Variants in SPOCK3 observed in about 807,000 individuals in gnomAD.
The protein encoded by SPOCK3 is testican-3.
SPOCK3 carries 30 observed loss-of-function variants against 56.6 expected under a neutral mutation model. The ratio of observed to expected loss-of-function variants is 0.53; its 90% CI spans 0.40 to 0.72. SPOCK3 has a LOEUF of 0.72. SPOCK3 is among the 30% of genes least tolerant of loss of function. The pLI, the probability that SPOCK3 is intolerant of heterozygous loss-of-function variation, is 0.00. For synonymous variants in SPOCK3, 196 were observed against 183.3 expected (o/e 1.07, Z -0.56); for missense variants, 527 against 530.0 (o/e 0.99, Z 0.06).
intron 2 of SPOCK3, among the ~76,000 whole-genome samples, chr4:167,081,159 A>G (rs1041741043): frequency 6.6e-6 from 1 of 152,006 alleles, no homozygotes; most frequent in African/African-American, 2.4e-5. Flanking sequence ...TAGAAATAAT[A>G]CAGACAGGTA....
At chr4:166,822,871 A>G (rs1170657378) in intron 6 of SPOCK3, among the ~76,000 whole-genome samples, 1 of 152,074 alleles carries the variant, frequency 6.6e-6, no homozygotes, top group African/African-American at 2.4e-5. Context: ...TTGGTTTAAT[A>G]TCTTCTTTTA....
chr4:167,151,172 T>A (rs1452458324), intron 2 of SPOCK3, among the ~76,000 whole-genome samples: 2 of 152,168 alleles, frequency 1.3e-5, no homozygotes, highest in Non-Finnish European at 2.9e-5. Flanking sequence ...GTCTCTGGGG[T>A]AGGCCTCAGA....
Position 166,915,820 on chromosome 4 carries a change from A to T in SPOCK3, c.351-3077T>A, listed in dbSNP as rs1737783474. On this transcript the variant is annotated intron_variant, in intron 4 of 10. Coordinates refer to ENST00000357545, the MANE Select transcript of SPOCK3 (RefSeq NM_001040159.2). ...AGAAAAGATTAACCTTCGAGCATAC[A>T]TCTAATTTTTTGATACACCAAAGGT... 2.6e-5 allele frequency among the ~76,000 whole-genome samples: 4 copies of T among 152,278 alleles called. No individual in the cohort carries two copies. In the South Asian group the frequency reaches 8.3e-4, roughly 32 times the overall value.
rs1337823269 is a variant in SPOCK3, at chr4:166,908,708, T to C, written c.474+3912A>G. Among the ~76,000 whole-genome samples the C allele has an allele frequency of 2.0e-5, 3 of 152,066 alleles. No homozygotes were observed. The East Asian group carries it at 5.8e-4, about 29-fold the overall frequency. On this transcript the variant is annotated intron_variant, in intron 5 of 10. Transcript: ENST00000357545. The stretch of plus-strand genomic sequence containing the variant: ...TTATATTACACATGTTCTACTCAAG[T>C]CTAAAAGGTTAATATTATTTATTGA...
intron 10 of SPOCK3, among the ~76,000 whole-genome samples, chr4:166,736,876 A>G (rs1402289589): frequency 6.6e-6 from 1 of 152,150 alleles, no homozygotes; most frequent in Non-Finnish European, 1.5e-5. Flanking sequence ...ACTAAGCGTT[A>G]CATTCTATTT....
chr4:166,931,353 C>T (rs1739751700), intron 4 of SPOCK3, among the ~76,000 whole-genome samples: 1 of 151,974 alleles, frequency 6.6e-6, no homozygotes, highest in Non-Finnish European at 1.5e-5. Context: ...GGCAAGAAAA[C>T]CTTTGAGTTG....
intron 2 of SPOCK3, among the ~76,000 whole-genome samples, chr4:167,093,038 G>A (rs1758839425): frequency 2.0e-5 from 3 of 152,092 alleles, no homozygotes; most frequent in Admixed American, 6.6e-5. Context: ...GAATGATTAA[G>A]TGGTTAATTT....
intron 2 of SPOCK3, among the ~76,000 whole-genome samples, chr4:167,099,950 A>G (rs553795469): frequency 1.3e-5 from 2 of 152,248 alleles, no homozygotes; most frequent in African/African-American, 4.8e-5. Flanking sequence ...CTTCATGACA[A>G]TTATGTACAA....
chr4:167,070,739 C>T (rs1259337769), intron 2 of SPOCK3, among the ~76,000 whole-genome samples: 1 of 151,860 alleles, frequency 6.6e-6, no homozygotes, highest in Non-Finnish European at 1.5e-5. Context: ...GCTAGCATAA[C>T]AGTTAAGCCA....
intron 2 of SPOCK3, among the ~76,000 whole-genome samples, chr4:167,203,516 G>T (rs1344225673): frequency 6.7e-6 from 1 of 150,048 alleles, no homozygotes; most frequent in Non-Finnish European, 1.5e-5. Flanking sequence ...CCTGAGATGA[G>T]ACTGCTTAGG....
chr4:166,824,935 T>C (rs1296200570), intron 6 of SPOCK3, among the ~76,000 whole-genome samples: 1 of 152,058 alleles, frequency 6.6e-6, no homozygotes, highest in East Asian at 1.9e-4. Flanking sequence ...ACCTACTCTA[T>C]GAAGATGAAT....
rs78290399 is a variant in SPOCK3 at position 167,070,705 on chromosome 4, T to A, written c.190-8168A>T. ...GCATATATATGATCTCATTTACACA[T>A]CTCATCTTATTAGGGGAAGAATGGC... On this transcript the variant is annotated intron_variant, in intron 2 of 10. Coordinates refer to ENST00000357545, the MANE Select transcript of SPOCK3 (RefSeq NM_001040159.2). 2.0e-3 allele frequency among the ~76,000 whole-genome samples: 310 copies of A among 152,112 alleles called. 9 individuals carry two copies. In the East Asian group the frequency reaches 0.056, roughly 27 times the overall value.
At chr4:166,770,206 C>T (rs1448415329) in intron 7 of SPOCK3, among the ~76,000 whole-genome samples, 1 of 152,092 alleles carries the variant, frequency 6.6e-6, no homozygotes, top group Non-Finnish European at 1.5e-5. Context: ...CCCCCACTGT[C>T]CGATAAGCCC....
At chr4:167,091,616 AC>A (rs1477005909) in intron 2 of SPOCK3, among the ~76,000 whole-genome samples, 3 of 152,178 alleles carry the variant, frequency 2.0e-5, no homozygotes, top group Non-Finnish European at 2.9e-5. Flanking sequence ...GTTGGACACA[AC>A]TTTTTACATG....
chr4:166,753,812 GT>G (rs960630162), intron 8 of SPOCK3, among the ~76,000 whole-genome samples: 18 of 151,876 alleles, frequency 1.2e-4, no homozygotes, highest in African/African-American at 3.6e-4. Context: ...TGAGTTTCTT[GT>G]TTTTTCCCCT....
At chr4:167,067,098 T>C (rs1756225369) in intron 2 of SPOCK3, among the ~76,000 whole-genome samples, 1 of 151,874 alleles carries the variant, frequency 6.6e-6, no homozygotes, top group South Asian at 2.1e-4. Flanking sequence ...ATAGGAGATC[T>C]TGATGCCCAA....
intron 10 of SPOCK3, 143 bp from the exon 11 acceptor site, chr4:166,735,233 C>A (rs914377385): frequency 5.0e-6 from 3 of 595,390 alleles, no homozygotes; most frequent in Non-Finnish European, 8.7e-6. Context: ...ATGAAAGATC[C>A]ATTTTCTGGA....
chr4:166,934,556 G>A (rs746477441), intron 4 of SPOCK3, among the ~76,000 whole-genome samples: 5 of 152,008 alleles, frequency 3.3e-5, no homozygotes, highest in Non-Finnish European at 7.4e-5. Flanking sequence ...AAGATACCCC[G>A]TGCCAGTTGT....
intron 6 of SPOCK3, among the ~76,000 whole-genome samples, chr4:166,796,853 T>G (rs1053483796): frequency 2.0e-5 from 3 of 152,304 alleles, no homozygotes; most frequent in Middle Eastern, 3.4e-3. Context: ...ACAGTTAAAA[T>G]CTGGCAGAAT....
Sources: allele counts gnomAD v4.1 joint callset (sites outside exome capture counted in the v4.1 genomes callset), GRCh38; gene constraint gnomAD v4.1.1; transcripts MANE v1.5; gene names NCBI Gene and HGNC (gene_info 2026-07-23, HGNC 2026-07-21).